STXBP5L: variants seen among roughly 807,000 people sequenced by gnomAD.
STXBP5L encodes the protein syntaxin binding protein 5L.
STXBP5L carries 65 observed loss-of-function variants against 144.5 expected under a neutral mutation model. The observed-to-expected ratio is 0.45, with a 90% CI of 0.37 to 0.55. The LOEUF (loss-of-function observed/expected upper bound fraction) is 0.55. Among genes scored for constraint, STXBP5L ranks in the 20% least tolerant of loss-of-function variants. The pLI is 0.00. For synonymous variants in STXBP5L, 505 were observed against 469.6 expected, an observed-to-expected ratio of 1.08 and a Z score of -0.97; for missense variants, 1,298 against 1,405.5, an observed-to-expected ratio of 0.92 and a Z score of 1.22.
intron 19 of STXBP5L, among the ~76,000 whole-genome samples, chr3:121,313,238 C>A (rs71618063): frequency 8.9e-6 from 1 of 112,566 alleles, no homozygotes. Flanking sequence ...ACCTCCCTCC[C>A]GGACGGGGCG....
At chr3:120,997,487 G>C (rs1283660647) in intron 3 of STXBP5L, among the ~76,000 whole-genome samples, 1 of 152,068 alleles carries the variant, frequency 6.6e-6, no homozygotes, top group Non-Finnish European at 1.5e-5. Context: ...CATTCTGACT[G>C]GTATGATATA....
In STXBP5L at chr3:120,954,943, G is replaced by A; in HGVS notation, c.193G>A (p.Val65Ile). 6.2e-7 allele frequency: 1 copy of A among 1,611,410 alleles called. No homozygotes were observed. The highest frequency in any genetic ancestry group is 1.7e-4 in the Middle Eastern group (1 of 6,034). The change falls in exon 3 of 27, where the codon GTT becomes ATT. Residue 65 changes from valine to isoleucine, a missense_variant. Physicochemically the swap from Val to Ile is conservative, Grantham distance 29. Coordinates refer to ENST00000471454, the MANE Select transcript of STXBP5L (RefSeq NM_001308330.2). ...TSEYFQICKT[V>I]RHGFPHQPTA... ...GGTATTATTTGCTCTCTTTCAGACA[G>A]TTCGGCATGGTTTTCCTCATCAGCC...
chr3:120,990,510 A>C (rs1274851578), intron 3 of STXBP5L, among the ~76,000 whole-genome samples: 1 of 152,166 alleles, frequency 6.6e-6, no homozygotes, highest in African/African-American at 2.4e-5. Context: ...GTCAATCCTA[A>C]GCCAAAACAA....
chr3:121,410,070 T>G (rs369659016), intron 23 of STXBP5L, among the ~76,000 whole-genome samples: 1 of 151,984 alleles, frequency 6.6e-6, no homozygotes, highest in Non-Finnish European at 1.5e-5. Context: ...CATGTATTTC[T>G]GATTCTTTTC....
At chr3:121,021,390 C>G (rs538627620) in intron 3 of STXBP5L, among the ~76,000 whole-genome samples, 37 of 152,084 alleles carry the variant, frequency 2.4e-4, no homozygotes, top group Non-Finnish European at 5.0e-4. Context: ...AAACAATGGA[C>G]TTAAACTATA....
At chr3:121,328,143 A>C (rs2044209560) in intron 20 of STXBP5L, among the ~76,000 whole-genome samples, 1 of 152,232 alleles carries the variant, frequency 6.6e-6, no homozygotes, top group Admixed American at 6.5e-5. Context: ...CTAGATTTTC[A>C]GTAGAACATG....
At chr3:121,412,727 CAA>C (rs35247157) in intron 23 of STXBP5L, among the ~76,000 whole-genome samples, 45 of 69,600 alleles carry the variant, frequency 6.5e-4, no homozygotes, top group African/African-American at 2.0e-3. Flanking sequence ...TTTCTCCCTC[CAA>C]AAAAAAAAAA....
chr3:121,031,985 G>T (rs1476232891), intron 3 of STXBP5L, among the ~76,000 whole-genome samples: 3 of 152,110 alleles, frequency 2.0e-5, no homozygotes, highest in African/African-American at 4.8e-5. Context: ...TAACCAGTTT[G>T]TTACGTGCTA....
intron 9 of STXBP5L, among the ~76,000 whole-genome samples, chr3:121,198,137 TCA>T (rs147509592): frequency 0.099 from 15,072 of 152,132 alleles, 1,167 homozygotes; most frequent in Admixed American, 0.2. Context: ...TTCTATTTAT[TCA>T]CAGACTCACC....
intron 18 of STXBP5L, among the ~76,000 whole-genome samples, chr3:121,262,982 GCCT>G (rs993322919): frequency 6.6e-6 from 1 of 152,188 alleles, no homozygotes; most frequent in Non-Finnish European, 1.5e-5. Context: ...GGGACAGACT[GCCT>G]CCTCAAGTGG....
At chr3:120,981,951 A>G (rs1473096470) in intron 3 of STXBP5L, among the ~76,000 whole-genome samples, 1 of 152,212 alleles carries the variant, frequency 6.6e-6, no homozygotes, top group East Asian at 1.9e-4. Flanking sequence ...CCTTGGTTAT[A>G]GATAGCCTTT....
At chr3:121,092,088 A>G (rs1399409081) in intron 5 of STXBP5L, among the ~76,000 whole-genome samples, 1 of 151,904 alleles carries the variant, frequency 6.6e-6, no homozygotes, top group Non-Finnish European at 1.5e-5. Flanking sequence ...ATAGTTGTAG[A>G]TATGCAGCGT....
At chr3:121,131,858 G>A (rs1245537235) in intron 7 of STXBP5L, among the ~76,000 whole-genome samples, 1 of 152,164 alleles carries the variant, frequency 6.6e-6, no homozygotes, top group Non-Finnish European at 1.5e-5. Context: ...TGTGAGAAAT[G>A]ACAATGTAAT....
At chr3:121,185,123 C>A (rs986135149) in intron 9 of STXBP5L, among the ~76,000 whole-genome samples, 2 of 152,076 alleles carry the variant, frequency 1.3e-5, no homozygotes, top group Non-Finnish European at 2.9e-5. Flanking sequence ...TTTTAAAGAC[C>A]ATCGACACTC....
At chr3:121,179,878 A>G (rs1462742033) in intron 9 of STXBP5L, among the ~76,000 whole-genome samples, 1 of 152,160 alleles carries the variant, frequency 6.6e-6, no homozygotes, top group Non-Finnish European at 1.5e-5. Context: ...ACCCAATCAG[A>G]CAAAAACAAA....
At chr3:121,364,291 G>T (rs981743405) in intron 20 of STXBP5L, among the ~76,000 whole-genome samples, 2 of 152,046 alleles carry the variant, frequency 1.3e-5, no homozygotes, top group African/African-American at 4.8e-5. Flanking sequence ...ATGGGATCTA[G>T]ATTCTACTCC....
At chr3:121,068,157 A>AC (rs902129754) in intron 5 of STXBP5L, among the ~76,000 whole-genome samples, 3 of 151,950 alleles carry the variant, frequency 2.0e-5, no homozygotes, top group African/African-American at 7.2e-5. Context: ...CTACAGGCAC[A>AC]CACCACCATG....
intron 2 of STXBP5L, among the ~76,000 whole-genome samples, chr3:120,928,741 T>C (rs1709770646): frequency 6.6e-6 from 1 of 152,108 alleles, no homozygotes; most frequent in Admixed American, 6.6e-5. Context: ...TTTGTTCTTT[T>C]TTTATTGCTG....
At chr3:121,003,202 T>A (rs553512243) in intron 3 of STXBP5L, among the ~76,000 whole-genome samples, 1 of 152,228 alleles carries the variant, frequency 6.6e-6, no homozygotes, top group South Asian at 2.1e-4. Flanking sequence ...TTTCTCCACA[T>A]CCTCTCCAGC....
Sources: allele counts gnomAD v4.1 joint callset (sites outside exome capture counted in the v4.1 genomes callset), GRCh38; gene constraint gnomAD v4.1.1; transcripts MANE v1.5; gene names NCBI Gene and HGNC (gene_info 2026-07-23, HGNC 2026-07-21).